The following PLXDC2 variants were observed in gnomAD, a reference collection of about 807,000 sequenced individuals.
PLXDC2 encodes plexin domain-containing protein 2.
Under a neutral mutation model 68.9 loss-of-function variants are expected in PLXDC2, and 40 were observed. The ratio of observed to expected loss-of-function variants is 0.58; its 90% CI spans 0.45 to 0.76. The LOEUF (loss-of-function observed/expected upper bound fraction) is 0.76, where lower values mean the gene tolerates loss of function less well. PLXDC2 is among the 30% of genes least tolerant of loss of function. PLXDC2 has a pLI of 0.00. For synonymous variants in PLXDC2, 243 were observed against 234.2 expected (o/e 1.04, Z -0.34); for missense variants, 644 against 661.9 (o/e 0.97, Z 0.30).
chr10:20,198,346 T>A (rs1180981373), intron 9 of PLXDC2, among the ~76,000 whole-genome samples: 1 of 152,196 alleles, frequency 6.6e-6, no homozygotes, highest in Non-Finnish European at 1.5e-5. Flanking sequence ...TACCTTCCTC[T>A]GGAAATTCTA....
At chr10:19,892,919 G>T (rs1837990808) in intron 1 of PLXDC2, among the ~76,000 whole-genome samples, 3 of 143,614 alleles carry the variant, frequency 2.1e-5, no homozygotes, top group African/African-American at 5.2e-5. Flanking sequence ...AGTTGAAATG[G>T]TCTTTTTTTT....
At chr10:20,072,493 G>GAGGAAAGAAAGAA (rs1453220524) in intron 4 of PLXDC2, among the ~76,000 whole-genome samples, 1 of 80,704 alleles carries the variant, frequency 1.2e-5, no homozygotes, top group Non-Finnish European at 2.4e-5. Context: ...AAGAAAGAAA[G>GAGGAAAGAAAGAA]AGAAAGAAAG....
chr10:20,177,077 A>G lies in PLXDC2; in HGVS notation c.962A>G (p.Glu321Gly), dbSNP rs202068068. Reference sequence around the variant, plus strand: ...AAAATTACCAACATTTCGGCTGTGGAGATGACCCCATTACCCAGTAAGCGA... The same window carrying G: ...AAAATTACCAACATTTCGGCTGTGGGGATGACCCCATTACCCAGTAAGCGA... ...MSKITNISAV[E>G]MTPLPTCLQF... The change falls in exon 8 of 14, where the codon GAG (glutamate) becomes GGG (glycine). Residue 321 changes from glutamate (E) to glycine (G), a missense_variant. Coordinates refer to ENST00000377252, the MANE Select transcript of PLXDC2 (RefSeq NM_032812.9). The G allele has an allele frequency of 1.2e-6, 2 of 1,608,542 alleles. No homozygotes were observed. The highest frequency in any genetic ancestry group is 2.7e-5 in the African/African-American group (2 of 74,744).
At chr10:20,172,433 C>A (rs184918037) in intron 7 of PLXDC2, among the ~76,000 whole-genome samples, 285 of 152,232 alleles carry the variant, frequency 1.9e-3, no homozygotes, top group Non-Finnish European at 3.1e-3. Context: ...TGTGACACTG[C>A]GTGGACAATT....
At chr10:19,983,536 T>C (rs1834587807) in intron 1 of PLXDC2, among the ~76,000 whole-genome samples, 1 of 152,166 alleles carries the variant, frequency 6.6e-6, no homozygotes, top group African/African-American at 2.4e-5. Context: ...GGACATTAAG[T>C]CTTCTGGTGT....
chr10:19,900,331 G>A (rs933359948), intron 1 of PLXDC2, among the ~76,000 whole-genome samples: 4 of 152,142 alleles, frequency 2.6e-5, no homozygotes, highest in African/African-American at 9.7e-5. Context: ...TAAACAATCA[G>A]TTAGTCAAGT....
At chr10:19,829,598 G>A (rs1481474559) in intron 1 of PLXDC2, among the ~76,000 whole-genome samples, 4 of 151,940 alleles carry the variant, frequency 2.6e-5, no homozygotes, top group Admixed American at 6.6e-5. Flanking sequence ...ACGTGGTGGC[G>A]GGCACCTGTA....
intron 1 of PLXDC2, among the ~76,000 whole-genome samples, chr10:19,819,071 A>G (rs1011729968): frequency 4.8e-5 from 7 of 146,280 alleles, no homozygotes; most frequent in East Asian, 2.0e-4. Context: ...CACAATACAC[A>G]CACATTTGCT....
chr10:20,164,830 T>C (rs1422462521), intron 7 of PLXDC2, among the ~76,000 whole-genome samples: 1 of 152,142 alleles, frequency 6.6e-6, no homozygotes, highest in Non-Finnish European at 1.5e-5. Flanking sequence ...TTTTTCTTTC[T>C]TTTGATTTGG....
At chr10:19,942,093 TTAAC>T (rs1442708838) in intron 1 of PLXDC2, among the ~76,000 whole-genome samples, 1 of 152,156 alleles carries the variant, frequency 6.6e-6, no homozygotes, top group African/African-American at 2.4e-5. Flanking sequence ...GAAGATTTAT[TTAAC>T]TATCTACAGT....
At chr10:20,266,125 C>T (rs1300344915) in intron 13 of PLXDC2, among the ~76,000 whole-genome samples, 3 of 152,136 alleles carry the variant, frequency 2.0e-5, no homozygotes, top group African/African-American at 7.2e-5. Flanking sequence ...CATAAGGTCA[C>T]ATAAGACGTT....
At chr10:19,863,841 G>A (rs733087) in intron 1 of PLXDC2, among the ~76,000 whole-genome samples, 1,802 of 151,916 alleles carry the variant, frequency 0.012, 141 homozygotes, top group Admixed American at 0.11. Flanking sequence ...AATATCAGAG[G>A]GAAAGAGTAT....
chr10:20,107,729 G>A (rs1032663726), intron 4 of PLXDC2, among the ~76,000 whole-genome samples: 2 of 152,088 alleles, frequency 1.3e-5, no homozygotes, highest in Non-Finnish European at 2.9e-5. Flanking sequence ...AGGTTTTTGA[G>A]TATTAGAGTT....
chr10:19,854,792 C>T (rs576140497), intron 1 of PLXDC2, among the ~76,000 whole-genome samples: 15 of 152,128 alleles, frequency 9.9e-5, no homozygotes, highest in Middle Eastern at 3.4e-3. Flanking sequence ...GTGCCAGGGG[C>T]AAATTTCACA....
intron 4 of PLXDC2, among the ~76,000 whole-genome samples, chr10:20,103,442 T>C (rs1185631455): frequency 6.6e-6 from 1 of 151,706 alleles, no homozygotes; most frequent in Non-Finnish European, 1.5e-5. Flanking sequence ...CCGAGACTTG[T>C]GGGTTCAAGG....
chr10:20,057,335 A>T (rs548066403), intron 3 of PLXDC2, among the ~76,000 whole-genome samples: 2 of 152,130 alleles, frequency 1.3e-5, no homozygotes, highest in Non-Finnish European at 2.9e-5. Flanking sequence ...TTGAGGATTG[A>T]GTTTTCCTGG....
chr10:20,287,715 T>C lies in PLXDC2; in HGVS notation c.*7896T>C, dbSNP rs1242184835. On this transcript the variant is annotated 3_prime_UTR_variant, in exon 14 of 14. Transcript: ENST00000377252. ...ATCTTGTGTATGGCGTAACCCAGTC[T>C]TGGGGCCCTCACGGAGAAGAGGGGG... The C allele has an allele frequency of 1.3e-5, 2 of 152,088 alleles. No individual in the cohort carries two copies. Among genetic ancestry groups the C allele is most frequent in the South Asian group, 4.1e-4 (2 of 4,826 alleles). The allele number at this position is 152,088 out of a possible 1,614,324, so 9.4% of individuals were successfully genotyped here.
chr10:20,034,903 C>A (rs775887228), intron 2 of PLXDC2, among the ~76,000 whole-genome samples: 54 of 152,236 alleles, frequency 3.5e-4, no homozygotes, highest in Non-Finnish European at 6.9e-4. Flanking sequence ...GTAGATTATA[C>A]CATCTAGGTT....
intron 1 of PLXDC2, among the ~76,000 whole-genome samples, chr10:19,922,908 G>T (rs559645328): frequency 2.1e-4 from 32 of 152,244 alleles, no homozygotes; most frequent in African/African-American, 7.2e-4. Context: ...TAACTGAACT[G>T]TTGTCCAAAA....
Sources: gnomAD v4.1 joint callset for allele counts (sites outside exome capture counted in the v4.1 genomes callset) on GRCh38, gnomAD v4.1.1 for gene constraint, MANE v1.5 for transcripts, NCBI Gene and HGNC (gene_info 2026-07-23, HGNC 2026-07-21) for gene names.